The following ANTXR2 variants were observed in gnomAD, a reference collection of about 807,000 sequenced individuals.
ANTXR2 encodes the protein ANTXR cell adhesion molecule 2.
In ANTXR2, 44 loss-of-function variants were observed where a neutral mutation model predicts 73.7. That is an observed-to-expected ratio of 0.60 (90% confidence interval 0.47 to 0.77). The LOEUF is 0.77. Ranked by LOEUF, ANTXR2 falls within the 30% of genes least tolerant of loss-of-function variation. The pLI is 0.00. For synonymous variants in ANTXR2, 217 were observed against 205.9 expected (o/e 1.05, Z -0.46); for missense variants, 604 against 592.5 (o/e 1.02, Z -0.20).
intron 16 of ANTXR2, among the ~76,000 whole-genome samples, chr4:79,946,130 G>T (rs1042817725): frequency 6.6e-6 from 1 of 151,898 alleles, no homozygotes; most frequent in East Asian, 1.9e-4. Flanking sequence ...GTTATATAAC[G>T]ATCCCCATTT....
intron 11 of ANTXR2, among the ~76,000 whole-genome samples, chr4:80,018,043 GT>G (rs1244228724): frequency 5.9e-5 from 9 of 152,068 alleles, no homozygotes; most frequent in African/African-American, 2.2e-4. Flanking sequence ...GTTTTGTTTT[GT>G]TTTCTGTTGG....
intron 16 of ANTXR2, among the ~76,000 whole-genome samples, chr4:79,915,856 C>CTATATATATA (rs1474331161): frequency 3.6e-4 from 40 of 112,278 alleles, no homozygotes; most frequent in Non-Finnish European, 4.4e-4. Context: ...CTCTCTCTCT[C>CTATATATATA]TCTCTCTATA....
intron 8 of ANTXR2, 148 bp downstream of exon 8, chr4:80,035,824 A>T: frequency 1.6e-6 from 1 of 644,000 alleles, no homozygotes; most frequent in Non-Finnish European, 2.7e-6. Context: ...GAAATATTTC[A>T]AGGAATTATT....
chr4:79,958,583 C>T (rs555067041), intron 16 of ANTXR2, among the ~76,000 whole-genome samples: 3 of 152,198 alleles, frequency 2.0e-5, no homozygotes, highest in South Asian at 2.1e-4. Context: ...CTGTGAAAAA[C>T]GAAGGTCCTG....
intron 3 of ANTXR2, among the ~76,000 whole-genome samples, chr4:80,068,273 A>C (rs1229366815): frequency 6.6e-6 from 1 of 152,220 alleles, no homozygotes; most frequent in Non-Finnish European, 1.5e-5. Context: ...AAATTCACAT[A>C]TCATGCAAAA....
intron 16 of ANTXR2, among the ~76,000 whole-genome samples, chr4:79,951,591 CAAAAAAAAAAA>C (rs61444171): frequency 8.2e-4 from 122 of 148,938 alleles, no homozygotes; most frequent in Non-Finnish European, 1.1e-3. Flanking sequence ...ACAACAACAA[CAAAAAAAAAAA>C]AACAACAAAA....
intron 16 of ANTXR2, among the ~76,000 whole-genome samples, chr4:79,910,931 T>C (rs561100004): frequency 1.0e-3 from 154 of 152,268 alleles, no homozygotes; most frequent in Non-Finnish European, 1.6e-3. Context: ...GAGTCTTACT[T>C]CCAGGCAACT....
chr4:80,047,625 T>C, intron 7 of ANTXR2, among the ~76,000 whole-genome samples: 1 of 151,690 alleles, frequency 6.6e-6, no homozygotes, highest in East Asian at 1.9e-4. Context: ...CCGAATCAAT[T>C]AGAGTTCTTA....
intron 10 of ANTXR2, among the ~76,000 whole-genome samples, chr4:80,030,090 A>G (rs182205934): frequency 1.1e-3 from 173 of 152,142 alleles, no homozygotes; most frequent in African/African-American, 3.9e-3. Context: ...AATCCAAGCA[A>G]GAGATGGCAG....
chr4:80,030,506 G>T (rs180801174), intron 10 of ANTXR2, among the ~76,000 whole-genome samples: 171 of 152,128 alleles, frequency 1.1e-3, no homozygotes, highest in African/African-American at 3.8e-3. Flanking sequence ...TTAGCCACAG[G>T]CATGTTGTCA....
At chr4:80,059,933 A>T (rs147802222) in intron 3 of ANTXR2, among the ~76,000 whole-genome samples, 209 of 152,296 alleles carry the variant, frequency 1.4e-3, no homozygotes, top group African/African-American at 4.7e-3. Context: ...GGGAATCCTG[A>T]ATTGACCAAC....
At chr4:79,915,862 C>CTCTCTATATATATATATATA (rs377006532) in intron 16 of ANTXR2, among the ~76,000 whole-genome samples, 3 of 123,876 alleles carry the variant, frequency 2.4e-5, no homozygotes, top group African/African-American at 9.1e-5. Context: ...CTCTCTCTCT[C>CTCTCTATATATATATATATA]TATATATATA....
chr4:79,947,555 A>C lies in ANTXR2; in HGVS notation c.1428+30066T>G, dbSNP rs530316780. 2.6e-5 allele frequency among the ~76,000 whole-genome samples: 4 copies of C among 152,292 alleles called. No homozygotes were observed. In the East Asian group the frequency reaches 5.8e-4, roughly 22 times the overall value. ...GTGATGTCAAAAACACTTACTGCACAAGCAGAGACCTGTGTTTCCTTTGCC... is the reference window on the plus strand; with the variant it reads ...GTGATGTCAAAAACACTTACTGCACCAGCAGAGACCTGTGTTTCCTTTGCC... On this transcript the variant is annotated intron_variant, in intron 16 of 16. Transcript: ENST00000403729.
chr4:80,072,897 C>A lies in ANTXR2; in HGVS notation c.-337G>T. ...ACAGCTCGCGAAAGGAGTTCCTCTC[C>A]GGCCTGGGGCCGAGCCTCCAGCGCC... is the stretch of plus-strand genomic sequence containing the variant. On this transcript the variant is annotated 5_prime_UTR_variant, in exon 1 of 17. Coordinates refer to ENST00000403729, the MANE Select transcript of ANTXR2 (RefSeq NM_058172.6). 3.4e-6 allele frequency: 1 copy of A among 289,932 alleles called. No homozygotes were observed. The highest frequency in any genetic ancestry group is 5.7e-6 in the Non-Finnish European group (1 of 173,976). 18.0% of individuals were successfully genotyped at this position (289,932 alleles called of 1,614,324 possible).
chr4:79,929,513 A>T (rs977504509), intron 16 of ANTXR2, among the ~76,000 whole-genome samples: 14 of 152,086 alleles, frequency 9.2e-5, no homozygotes, highest in Non-Finnish European at 1.5e-4. Context: ...CTCAGTATCA[A>T]CAACAACAAC....
At chr4:79,973,083 A>G (rs942461692) in intron 16 of ANTXR2, among the ~76,000 whole-genome samples, 1 of 152,260 alleles carries the variant, frequency 6.6e-6, no homozygotes, top group East Asian at 1.9e-4. Context: ...AACAAAGATA[A>G]AAGAAGAAGG....
chr4:79,994,346 A>C (rs1730624622), intron 12 of ANTXR2, among the ~76,000 whole-genome samples: 1 of 152,146 alleles, frequency 6.6e-6, no homozygotes, highest in South Asian at 2.1e-4. Flanking sequence ...ATTTTATTGG[A>C]AAGACCTTAC....
At chr4:80,051,585 G>A (rs1733775185) in intron 7 of ANTXR2, among the ~76,000 whole-genome samples, 1 of 151,634 alleles carries the variant, frequency 6.6e-6, no homozygotes, top group Admixed American at 6.6e-5. Flanking sequence ...TACATACCAT[G>A]TTTGCCTGGA....
chr4:79,961,654 G>A (rs1444183999), intron 16 of ANTXR2, among the ~76,000 whole-genome samples: 1 of 152,000 alleles, frequency 6.6e-6, no homozygotes, highest in Non-Finnish European at 1.5e-5. Context: ...TGCCCAGGCT[G>A]GTCTCAAACT....
Sources: gnomAD v4.1 joint callset for allele counts (sites outside exome capture counted in the v4.1 genomes callset) on GRCh38, gnomAD v4.1.1 for gene constraint, MANE v1.5 for transcripts, NCBI Gene and HGNC (gene_info 2026-07-23, HGNC 2026-07-21) for gene names.